The following LSS variants were observed in gnomAD, a reference collection of about 807,000 sequenced individuals.
LSS encodes lanosterol synthase.
In LSS, 90 loss-of-function variants were observed where a neutral mutation model predicts 110.3. The observed-to-expected ratio is 0.82, with a 90% CI of 0.69 to 0.97. The LOEUF (loss-of-function observed/expected upper bound fraction) is 0.97, where lower values mean the gene tolerates loss of function less well. Among genes scored for constraint, LSS ranks in the 50% least tolerant of loss-of-function variants. The probability of loss-of-function intolerance (pLI) is 0.00; values close to 1 mark genes in which losing one functional copy is unlikely to be tolerated. For missense variants in LSS, 927 were observed against 990.0 expected (o/e 0.94, Z 0.85); for synonymous variants, 433 against 400.0 (o/e 1.08, Z -0.98).
intron 2 of LSS, 39 bp from the exon 3 acceptor site, chr21:46,227,729 C>G (rs1044832859): frequency 3.7e-6 from 6 of 1,608,376 alleles, no homozygotes; most frequent in Non-Finnish European, 5.1e-6. Context: ...AGATAGCTGA[C>G]GGGACTGTTG....
At chr21:46,193,129 G>A (rs2079850196) in intron 20 of LSS, 1 of 447,370 alleles carries the variant, frequency 2.2e-6, no homozygotes, top group African/African-American at 2.0e-5. Flanking sequence ...GCCTGTGCAT[G>A]CATACGTGTG....
At position 46,219,490 on chromosome 21, in the gene LSS, C is replaced by T. The variant is rs1438603790; in HGVS notation, c.633G>A (p.Leu211=). 2 of 1,596,348 alleles carry T rather than the reference C, an allele frequency of 1.3e-6. No homozygotes were observed. The highest frequency in any genetic ancestry group is 1.1e-5 in the South Asian group (1 of 88,212). Residue 211 remains leucine, a synonymous_variant, in exon 6 of 22, where the codon CTG becomes CTA. Coordinates refer to ENST00000397728, the MANE Select transcript of LSS (RefSeq NM_002340.6). ...NVYSWEGLNT[L]FPEMWLFPDW... is the part of the protein sequence containing the mutation. ...AGCAGACATACCACATCTCTGGGAA[C>T]AGGGTATTGAGGCCTTCCCAGCTGT...
intron 10 of LSS, 116 bp downstream of exon 10, chr21:46,213,622 G>A (rs2080161709): frequency 3.9e-6 from 3 of 767,318 alleles, no homozygotes; most frequent in South Asian, 1.5e-5. Context: ...GTTCCTGGAG[G>A]TATTCCCTGG....
rs1276699454 is a variant in LSS, at chr21:46,215,209, G to C, written c.982C>G (p.Arg328Gly). ...CCGATGCTGATGCTCTTGGTGAATC[G>C]GTCGTCGGCCACAATGTGTTCATAC... is the stretch of plus-strand genomic sequence containing the variant. Reference protein sequence around the residue: ...KLYEHIVADDRFTKSISIGPI... With the variant: ...KLYEHIVADDGFTKSISIGPI... Residue 328 changes from arginine to glycine, a missense_variant, in exon 9 of 22, where the codon CGA (arginine) becomes GGA (glycine). Arg to Gly is a moderately radical substitution (Grantham distance 125). Coordinates refer to ENST00000397728, the MANE Select transcript of LSS (RefSeq NM_002340.6). The C allele has an allele frequency of 3.1e-6, 5 of 1,610,752 alleles. No homozygotes were observed. In the African/African-American group the frequency reaches 5.3e-5, roughly 17 times the overall value.
chr21:46,188,446 T>C lies in LSS; in HGVS notation c.*2658A>G, dbSNP rs1248927169. On this transcript the variant is annotated 3_prime_UTR_variant, in exon 22 of 22. Transcript: ENST00000397728. The stretch of plus-strand genomic sequence containing the variant: ...GATAAAAATAATCTGAATTCAAAAA[T>C]CTTTCATGACTGATTTTTAATCACA... The C allele has an allele frequency of 3.4e-6, 1 of 293,528 alleles. No individual in the cohort carries two copies. The highest frequency in any genetic ancestry group is 7.0e-6 in the Non-Finnish European group (1 of 143,272). 18.2% of individuals were successfully genotyped at this position (293,528 alleles called of 1,614,324 possible). A position where few individuals can be genotyped will look rare whatever the true frequency, so the allele number is the denominator to read the frequency against.
At chr21:46,211,188 G>A (rs1228807753) in intron 11 of LSS, among the ~76,000 whole-genome samples, 6 of 152,038 alleles carry the variant, frequency 3.9e-5, no homozygotes, top group Non-Finnish European at 7.4e-5. Context: ...GTGCAGTGGC[G>A]TGATCTCAGC....
chr21:46,191,346 G>A (rs1005409704), intron 21 of LSS, 111 bp from the exon 22 acceptor site: 18 of 1,198,800 alleles, frequency 1.5e-5, no homozygotes, highest in African/African-American at 1.4e-4. Context: ...GAGTCAGCCT[G>A]GAAAGGGCTA....
At chr21:46,197,168 C>A (rs1224899545) in intron 17 of LSS, among the ~76,000 whole-genome samples, 1 of 152,076 alleles carries the variant, frequency 6.6e-6, no homozygotes, top group Non-Finnish European at 1.5e-5. Context: ...GTAACAAATA[C>A]AAATAGTCAA....
At chr21:46,210,217 C>T (rs1432286631) in intron 12 of LSS, among the ~76,000 whole-genome samples, 2 of 152,042 alleles carry the variant, frequency 1.3e-5, no homozygotes, top group South Asian at 2.1e-4. Flanking sequence ...AGGTGCCCGC[C>T]ACCACGCTTG....
Position 46,189,864 on chromosome 21 carries a change from C to T in LSS, c.*1240G>A. 1 of 377,496 alleles carries T rather than the reference C, an allele frequency of 2.6e-6. No homozygotes were observed. The highest frequency in any genetic ancestry group is 1.9e-5 in the South Asian group (1 of 53,152). The allele number at this position is 377,496 out of a possible 1,614,324, so 23.4% of individuals were successfully genotyped here. ...GAGAGCAGTGACAGTCTCAGGTGGC[C>T]CTGAGCATGTGAGCTGCTCATCCAC... is the stretch of plus-strand genomic sequence containing the variant. On this transcript the variant is annotated 3_prime_UTR_variant, in exon 22 of 22. Coordinates refer to ENST00000397728, the MANE Select transcript of LSS (RefSeq NM_002340.6).
At chr21:46,195,477 G>A (rs536156669) in intron 19 of LSS, among the ~76,000 whole-genome samples, 199 bp downstream of exon 19, 2 of 152,324 alleles carry the variant, frequency 1.3e-5, no homozygotes, top group South Asian at 2.1e-4. Flanking sequence ...CGGGAGGATC[G>A]CTTGAGCCCA....
intron 17 of LSS, among the ~76,000 whole-genome samples, chr21:46,199,001 A>C (rs942943930): frequency 6.6e-6 from 1 of 152,174 alleles, no homozygotes; most frequent in Admixed American, 6.5e-5. Context: ...TTTAGATACA[A>C]CACCAAAAAC....
At chr21:46,208,873 G>C (rs916958098) in intron 13 of LSS, among the ~76,000 whole-genome samples, 1 of 152,188 alleles carries the variant, frequency 6.6e-6, no homozygotes, top group African/African-American at 2.4e-5. Flanking sequence ...TGGCCACACA[G>C]AGGCCAGGAA....
chr21:46,222,165 T>C, intron 4 of LSS, 190 bp from the exon 5 acceptor site: 1 of 613,124 alleles, frequency 1.6e-6, no homozygotes, highest in Non-Finnish European at 2.9e-6. Flanking sequence ...CCATGACAAC[T>C]GAGCCCCCCA....
At chr21:46,191,804 G>A (rs2079819291) in intron 21 of LSS, 77 bp downstream of exon 21, 1 of 1,237,954 alleles carries the variant, frequency 8.1e-7, no homozygotes, top group Non-Finnish European at 1.2e-6. Flanking sequence ...AGGACACAGA[G>A]CAGGGGGACG....
chr21:46,196,132 A>G lies in LSS; in HGVS notation c.1736+70T>C, dbSNP rs1163522169. On this transcript the variant is annotated intron_variant, in intron 18 of 21. Transcript: ENST00000397728. ...ACAACATACAAGCCAACATTTATGAACGCAGTGTGTGAGAGCAGAAACCTG... is the reference window on the plus strand; with the variant it reads ...ACAACATACAAGCCAACATTTATGAGCGCAGTGTGTGAGAGCAGAAACCTG... 6 of 1,448,622 alleles carry G rather than the reference A, an allele frequency of 4.1e-6. No individual in the cohort carries two copies. In the Admixed American group the frequency reaches 1.0e-4, roughly 25 times the overall value. The allele number at this position is 1,448,622 out of a possible 1,614,324, so 89.7% of individuals were successfully genotyped here. A position where few individuals can be genotyped will look rare whatever the true frequency, so the allele number is the denominator to read the frequency against.
chr21:46,226,900 G>A lies in LSS; in HGVS notation c.319+652C>T, dbSNP rs1032538870. Reference sequence around the variant, plus strand: ...AAAAGAAAATGATGTATCAGTAAGAGTTATCACAGAAACAAAACCTATTTA... The same window carrying A: ...AAAAGAAAATGATGTATCAGTAAGAATTATCACAGAAACAAAACCTATTTA... On this transcript the variant is annotated intron_variant, in intron 3 of 21. Coordinates refer to ENST00000397728, the MANE Select transcript of LSS (RefSeq NM_002340.6). Among the ~76,000 whole-genome samples, 10 of 152,276 alleles carry A rather than the reference G, an allele frequency of 6.6e-5. No individual in the cohort carries two copies. In the South Asian group the frequency reaches 1.5e-3, roughly 22 times the overall value.
At position 46,215,309 on chromosome 21, in the gene LSS, CA is replaced by C. The variant is rs774844618; in HGVS notation, c.893-12del. ...ACAGGTTGAGGAGCGCTACAGGGGA[CA>C]GGGGTCAGTGGATGCCAGACACCAT... On this transcript the variant is annotated splice_polypyrimidine_tract_variant and intron_variant, in intron 8 of 21. Transcript: ENST00000397728. 1 of 1,579,322 alleles carries C rather than the reference CA, an allele frequency of 6.3e-7. No individual in the cohort carries two copies. The highest frequency in any genetic ancestry group is 1.1e-5 in the South Asian group (1 of 89,808).
chr21:46,202,721 TA>T (rs918860485), intron 17 of LSS, among the ~76,000 whole-genome samples: 1 of 151,722 alleles, frequency 6.6e-6, no homozygotes, highest in South Asian at 2.1e-4. Flanking sequence ...ACAAAACATT[TA>T]AAAAATTAGC....
Sources: gnomAD v4.1 joint callset for allele counts (sites outside exome capture counted in the v4.1 genomes callset) on GRCh38, gnomAD v4.1.1 for gene constraint, MANE v1.5 for transcripts, NCBI Gene and HGNC (gene_info 2026-07-23, HGNC 2026-07-21) for gene names.